Variants in TAFA2 observed in about 807,000 individuals in gnomAD.
The protein encoded by TAFA2 is TAFA chemokine like family member 2, also known as chemokine-like protein TAFA-2.
Under a neutral mutation model 18.8 loss-of-function variants are expected in TAFA2, and 7 were observed. That is an observed-to-expected ratio of 0.37 (90% CI 0.21 to 0.70). The LOEUF (loss-of-function observed/expected upper bound fraction) is 0.70, where lower values mean the gene tolerates loss of function less well. Ranked by LOEUF, TAFA2 falls within the 30% of genes least tolerant of loss-of-function variation. The probability of loss-of-function intolerance (pLI) is 0.53; values close to 1 mark genes in which losing one functional copy is unlikely to be tolerated. For synonymous variants in TAFA2, 60 were observed against 54.2 expected, an observed-to-expected ratio of 1.11 and a Z score of -0.47; for missense variants, 122 against 158.1, an observed-to-expected ratio of 0.77 and a Z score of 1.23.
At chr12:62,065,240 G>T (rs557848937) in intron 1 of TAFA2, among the ~76,000 whole-genome samples, 1 of 152,120 alleles carries the variant, frequency 6.6e-6, no homozygotes, top group South Asian at 2.1e-4. Flanking sequence ...CTAAGAAAAA[G>T]CTCGTTAAGG....
At chr12:61,907,432 TG>T (rs1478319622) in intron 1 of TAFA2, among the ~76,000 whole-genome samples, 22 of 152,328 alleles carry the variant, frequency 1.4e-4, no homozygotes, top group Admixed American at 1.4e-3. Flanking sequence ...CATGTGGTGT[TG>T]GGCCTGTTGG....
At chr12:61,947,673 A>G (rs541917369) in intron 1 of TAFA2, among the ~76,000 whole-genome samples, 1 of 152,184 alleles carries the variant, frequency 6.6e-6, no homozygotes, top group East Asian at 1.9e-4. Context: ...CTCCAACAAT[A>G]CATGCTCTAA....
At chr12:61,902,091 T>TAAAAAAAAAAAAAAAAAA (rs750989820) in intron 1 of TAFA2, among the ~76,000 whole-genome samples, 1 of 116,466 alleles carries the variant, frequency 8.6e-6, no homozygotes, top group African/African-American at 3.6e-5. Flanking sequence ...GCAGGAATGT[T>TAAAAAAAAAAAAAAAAAA]AAAAAAAAAA....
At chr12:61,951,412 A>G (rs1878462747) in intron 1 of TAFA2, among the ~76,000 whole-genome samples, 1 of 152,188 alleles carries the variant, frequency 6.6e-6, no homozygotes, top group East Asian at 1.9e-4. Flanking sequence ...TTACCCAAAA[A>G]TCTTCAAGTC....
In TAFA2 at chr12:61,728,643, A is replaced by G. The variant is rs1030871910; in HGVS notation, c.385-18226T>C. Among the ~76,000 whole-genome samples the G allele has an allele frequency of 2.2e-5, 3 of 134,500 alleles. No individual in the cohort carries two copies. The Admixed American group carries it at 2.5e-4, about 11-fold the overall frequency. 88.2% of individuals were successfully genotyped at this position (134,500 alleles called of 152,430 possible). The stretch of plus-strand genomic sequence containing the variant: ...CCTTATGTGTTAGGTGAGTCTCTTG[A>G]AGACAGCAGATACTTGGTTGGTGAC... On this transcript the variant is annotated intron_variant, in intron 4 of 4. Coordinates refer to ENST00000416284, the MANE Select transcript of TAFA2 (RefSeq NM_178539.5).
intron 2 of TAFA2, among the ~76,000 whole-genome samples, chr12:61,763,575 C>T (rs1215342275): frequency 6.6e-6 from 1 of 151,760 alleles, no homozygotes. Context: ...GCTTGTAAGG[C>T]CTGTTCTGGA....
chr12:62,050,924 C>G (rs1351876849), intron 1 of TAFA2, among the ~76,000 whole-genome samples: 1 of 152,188 alleles, frequency 6.6e-6, no homozygotes, highest in Non-Finnish European at 1.5e-5. Flanking sequence ...CATTACTACT[C>G]TAAGCATCCT....
chr12:61,812,798 G>A (rs960801835), intron 2 of TAFA2, among the ~76,000 whole-genome samples: 2 of 151,114 alleles, frequency 1.3e-5, no homozygotes, highest in Non-Finnish European at 2.9e-5. Flanking sequence ...TTGAACTGCT[G>A]ACCTCAGGTG....
intron 1 of TAFA2, among the ~76,000 whole-genome samples, chr12:61,911,014 G>A (rs933044551): frequency 1.3e-5 from 2 of 152,158 alleles, no homozygotes; most frequent in Non-Finnish European, 2.9e-5. Context: ...CTGCATGGCT[G>A]AAGAGTTACA....
At chr12:61,917,166 A>C (rs978709346) in intron 1 of TAFA2, among the ~76,000 whole-genome samples, 1 of 152,242 alleles carries the variant, frequency 6.6e-6, no homozygotes, top group Non-Finnish European at 1.5e-5. Context: ...CTGCCTTGAC[A>C]GCACAGATCT....
intron 1 of TAFA2, among the ~76,000 whole-genome samples, chr12:62,166,613 G>T (rs183932271): frequency 1.1e-4 from 16 of 151,850 alleles, no homozygotes; most frequent in Non-Finnish European, 1.5e-4. Context: ...TTGACAAACT[G>T]CAAGGATTGC....
intron 1 of TAFA2, among the ~76,000 whole-genome samples, chr12:62,071,372 T>A (rs538378738): frequency 3.3e-5 from 5 of 152,292 alleles, no homozygotes; most frequent in African/African-American, 9.6e-5. Context: ...AATGATCATG[T>A]AGGACTTTGT....
At chr12:61,780,381 G>C (rs1016685314) in intron 2 of TAFA2, among the ~76,000 whole-genome samples, 1 of 151,762 alleles carries the variant, frequency 6.6e-6, no homozygotes, top group Non-Finnish European at 1.5e-5. Context: ...TGACCAAGAA[G>C]ACCTTAACAT....
At chr12:61,848,100 C>T (rs938982502) in intron 2 of TAFA2, among the ~76,000 whole-genome samples, 2 of 152,154 alleles carry the variant, frequency 1.3e-5, no homozygotes, top group African/African-American at 4.8e-5. Flanking sequence ...TATAAAACAG[C>T]TCACTTTTTT....
intron 1 of TAFA2, among the ~76,000 whole-genome samples, chr12:61,920,681 G>A (rs1230345997): frequency 1.3e-5 from 2 of 151,928 alleles, no homozygotes. Context: ...TCTGTTTTTT[G>A]CTTGTTAACC....
At chr12:62,104,854 G>A (rs528875564) in intron 1 of TAFA2, 15 of 330,340 alleles carry the variant, frequency 4.5e-5, no homozygotes, top group East Asian at 4.1e-4. Context: ...TGGCTCCTAC[G>A]TCTCACAGAA....
intron 1 of TAFA2, among the ~76,000 whole-genome samples, chr12:62,121,504 A>G (rs1210887275): frequency 6.6e-6 from 1 of 152,182 alleles, no homozygotes; most frequent in African/African-American, 2.4e-5. Flanking sequence ...ATGATGTATG[A>G]GAGAGTATTT....
At chr12:62,235,431 T>C in intron 1 of TAFA2, 1 of 646,576 alleles carries the variant, frequency 1.5e-6, no homozygotes, top group African/African-American at 1.8e-5. Context: ...GAGTTCTACT[T>C]ATCCTGGGCA....
chr12:62,137,830 C>T (rs866984569), intron 1 of TAFA2, among the ~76,000 whole-genome samples: 1 of 152,126 alleles, frequency 6.6e-6, no homozygotes, highest in African/African-American at 2.4e-5. Flanking sequence ...CTCCTGTATT[C>T]AAACCCTGCA....
Sources: gnomAD v4.1 joint callset for allele counts (sites outside exome capture counted in the v4.1 genomes callset) on GRCh38, gnomAD v4.1.1 for gene constraint, MANE v1.5 for transcripts, NCBI Gene and HGNC (gene_info 2026-07-23, HGNC 2026-07-21) for gene names.